The following OSTF1 variants were observed in gnomAD, a reference collection of about 807,000 sequenced individuals.
The protein encoded by OSTF1 is osteoclast stimulating factor 1.
Under a neutral mutation model 37.2 loss-of-function variants are expected in OSTF1, and 27 were observed. The ratio of observed to expected loss-of-function variants is 0.73; its 90% CI spans 0.54 to 1.00. The LOEUF (loss-of-function observed/expected upper bound fraction) is 1.00, where lower values mean the gene tolerates loss of function less well. OSTF1 is among the 50% of genes least tolerant of loss of function. The pLI is 0.00. For synonymous variants in OSTF1, 82 were observed against 89.2 expected, an observed-to-expected ratio of 0.92 and a Z score of 0.46; for missense variants, 232 against 253.8, an observed-to-expected ratio of 0.91 and a Z score of 0.58.
intron 1 of OSTF1, 144 bp downstream of exon 1, chr9:75,088,870 T>C: frequency 1.4e-6 from 1 of 725,374 alleles, no homozygotes. Flanking sequence ...TGGGCGCTCT[T>C]AGTTTTGCGT....
intron 7 of OSTF1, among the ~76,000 whole-genome samples, chr9:75,136,037 C>T (rs752605403): frequency 5.9e-5 from 9 of 152,156 alleles, no homozygotes; most frequent in East Asian, 3.9e-4. Flanking sequence ...ATTCAACATC[C>T]GCTGACTAGA....
rs142243576 is a variant in OSTF1, at chr9:75,142,502, C to T, written c.586+1570C>T. ...AGAGTCTAATGCATGCTATGAGCTC[C>T]ATTTTGATAGACAAGGCATATACCA... On this transcript the variant is annotated intron_variant, in intron 9 of 9. Coordinates refer to ENST00000346234, the MANE Select transcript of OSTF1 (RefSeq NM_012383.5). 2.1e-3 allele frequency among the ~76,000 whole-genome samples: 318 copies of T among 152,196 alleles called. 1 individual carries two copies. Among genetic ancestry groups the T allele is most frequent in the Middle Eastern group, 0.01 (3 of 294 alleles).
At chr9:75,128,393 TATATATATATATATTTTGTCC>T (rs1825697670) in intron 3 of OSTF1, among the ~76,000 whole-genome samples, 1 of 102,706 alleles carries the variant, frequency 9.7e-6, no homozygotes, top group Non-Finnish European at 2.0e-5. Flanking sequence ...TATATATATA[TATATATATATATATTTTGTCC>T]ATATATATAT....
intron 1 of OSTF1, among the ~76,000 whole-genome samples, chr9:75,097,350 C>T (rs1184379506): frequency 2.0e-5 from 3 of 152,132 alleles, no homozygotes; most frequent in African/African-American, 4.8e-5. Context: ...CTGGTCCTTG[C>T]CTAAGGCCTT....
intron 2 of OSTF1, among the ~76,000 whole-genome samples, chr9:75,118,650 AG>A (rs947813642): frequency 4.6e-5 from 7 of 152,196 alleles, no homozygotes; most frequent in Admixed American, 1.3e-4. Context: ...ATAGAGAAAA[AG>A]AGGATTATCG....
intron 1 of OSTF1, among the ~76,000 whole-genome samples, chr9:75,109,298 C>T (rs188943355): frequency 1.4e-3 from 211 of 152,312 alleles, no homozygotes; most frequent in Non-Finnish European, 2.0e-3. Context: ...AGGCATGAGC[C>T]GCCATGCCCG....
chr9:75,092,443 G>A lies in OSTF1; in HGVS notation c.34+3717G>A, dbSNP rs565601271. Among the ~76,000 whole-genome samples, 364 of 152,308 alleles carry A rather than the reference G, an allele frequency of 2.4e-3. 1 individual carries two copies. The highest frequency in any genetic ancestry group is 4.2e-3 in the Non-Finnish European group (284 of 68,022). On this transcript the variant is annotated intron_variant, in intron 1 of 9. Coordinates refer to ENST00000346234, the MANE Select transcript of OSTF1 (RefSeq NM_012383.5). ...AACAATAATCTATGGTGTCATTCACGAGGGTCCTGAGTCTAATGGGGAAGA... is the reference window on the plus strand; with the variant it reads ...AACAATAATCTATGGTGTCATTCACAAGGGTCCTGAGTCTAATGGGGAAGA...
chr9:75,115,085 A>G (rs1013716615), intron 1 of OSTF1, among the ~76,000 whole-genome samples: 3 of 152,216 alleles, frequency 2.0e-5, no homozygotes, highest in African/African-American at 7.2e-5. Context: ...AGTTGTATGT[A>G]TATTATTCTA....
intron 1 of OSTF1, among the ~76,000 whole-genome samples, chr9:75,095,676 AG>A (rs1825068461): frequency 6.6e-6 from 1 of 152,322 alleles, no homozygotes; most frequent in East Asian, 1.9e-4. Flanking sequence ...CTCTGAATAA[AG>A]GGAAGGCCGT....
rs867403527 is a variant in OSTF1, at chr9:75,128,544, A to T, written c.132+925A>T. Among the ~76,000 whole-genome samples, 16 of 25,332 alleles carry T rather than the reference A, an allele frequency of 6.3e-4. 1 individual carries two copies. The highest frequency in any genetic ancestry group is 5.0e-3 in the Admixed American group (14 of 2,810). The allele number at this position is 25,332 out of a possible 152,430, so 16.6% of individuals were successfully genotyped here. A position where few individuals can be genotyped will look rare whatever the true frequency, so the allele number is the denominator to read the frequency against. On this transcript the variant is annotated intron_variant, in intron 3 of 9. Coordinates refer to ENST00000346234, the MANE Select transcript of OSTF1 (RefSeq NM_012383.5). Reference sequence around the variant, plus strand: ...ATTTTGTCCATATATATATATATATATTTTGTCCATATATATATATATATA... The same window carrying T: ...ATTTTGTCCATATATATATATATATTTTTTGTCCATATATATATATATATA...
intron 1 of OSTF1, 104 bp downstream of exon 1, chr9:75,088,830 G>A: frequency 2.5e-6 from 3 of 1,180,576 alleles, no homozygotes; most frequent in East Asian, 5.1e-5. Context: ...CCGGCCCCGA[G>A]CCTGGCTTCC....
At chr9:75,089,170 C>G (rs769848022) in intron 1 of OSTF1, among the ~76,000 whole-genome samples, 3 of 151,924 alleles carry the variant, frequency 2.0e-5, no homozygotes, top group Non-Finnish European at 2.9e-5. Flanking sequence ...AGTGCAATCC[C>G]TGCAGGGTGG....
At chr9:75,122,514 TACAG>T in intron 2 of OSTF1, among the ~76,000 whole-genome samples, 1 of 152,196 alleles carries the variant, frequency 6.6e-6, no homozygotes, top group East Asian at 1.9e-4. Context: ...TGGGAGTGTA[TACAG>T]ACAGATATTT....
At chr9:75,103,370 T>G (rs989009823) in intron 1 of OSTF1, among the ~76,000 whole-genome samples, 4 of 152,250 alleles carry the variant, frequency 2.6e-5, no homozygotes, top group African/African-American at 4.8e-5. Context: ...ATTTTCCTGA[T>G]TGTATATGGG....
intron 8 of OSTF1, among the ~76,000 whole-genome samples, chr9:75,140,349 T>C (rs1825919934): frequency 6.6e-6 from 1 of 152,208 alleles, no homozygotes; most frequent in Admixed American, 6.5e-5. Context: ...TTGAACACAA[T>C]AAAGGCAAAG....
chr9:75,123,213 A>G (rs1825607758), intron 2 of OSTF1, among the ~76,000 whole-genome samples: 1 of 152,232 alleles, frequency 6.6e-6, no homozygotes, highest in Non-Finnish European at 1.5e-5. Context: ...CGAGGTCAGG[A>G]GATCGAGACC....
chr9:75,126,965 A>G (rs1218362957), intron 2 of OSTF1, among the ~76,000 whole-genome samples: 1 of 152,126 alleles, frequency 6.6e-6, no homozygotes, highest in Non-Finnish European at 1.5e-5. Flanking sequence ...AACTCCTTAG[A>G]GCTGCTTGGG....
In OSTF1 at chr9:75,133,231, A is replaced by G. The variant is rs1033632552; in HGVS notation, c.251-63A>G. The G allele has an allele frequency of 4.9e-5, 51 of 1,044,336 alleles. No homozygotes were observed. The Admixed American group carries it at 9.8e-4, about 20-fold the overall frequency. The allele number at this position is 1,044,336 out of a possible 1,614,324, so 64.7% of individuals were successfully genotyped here. ...AATTTATGCAGAATGACATTGATTT[A>G]AAAGCAAAATAAAAAGTGAAAGCTT... On this transcript the variant is annotated intron_variant, in intron 5 of 9. Coordinates refer to ENST00000346234, the MANE Select transcript of OSTF1 (RefSeq NM_012383.5).
At chr9:75,091,762 T>C in intron 1 of OSTF1, among the ~76,000 whole-genome samples, 1 of 152,128 alleles carries the variant, frequency 6.6e-6, no homozygotes, top group East Asian at 1.9e-4. Flanking sequence ...AATAGTAAGA[T>C]GAAACAAGAG....
Sources: allele counts gnomAD v4.1 joint callset (sites outside exome capture counted in the v4.1 genomes callset), GRCh38; gene constraint gnomAD v4.1.1; transcripts MANE v1.5; gene names NCBI Gene and HGNC (gene_info 2026-07-23, HGNC 2026-07-21).